STT3B: variants seen among roughly 807,000 people sequenced by gnomAD.
The protein encoded by STT3B is dolichyl-diphosphooligosaccharide--protein glycosyltransferase subunit STT3B.
STT3B carries 29 observed loss-of-function variants against 96.8 expected under a neutral mutation model. The observed-to-expected ratio is 0.30, with a 90% CI of 0.22 to 0.41. The LOEUF is 0.41. Among genes scored for constraint, STT3B ranks in the 10% least tolerant of loss-of-function variants. The probability of loss-of-function intolerance (pLI) is 1.00; values close to 1 mark genes in which losing one functional copy is unlikely to be tolerated. For synonymous variants in STT3B, 367 were observed against 360.0 expected (o/e 1.02, Z -0.22); for missense variants, 640 against 1,022.3 (o/e 0.63, Z 5.10).
intron 1 of STT3B, among the ~76,000 whole-genome samples, chr3:31,535,978 A>T (rs1430498009): frequency 2.0e-5 from 3 of 152,110 alleles, no homozygotes; most frequent in African/African-American, 4.8e-5. Flanking sequence ...CCTTACCGTG[A>T]ATGGAGATTT....
At chr3:31,552,795 A>G (rs77412583) in intron 1 of STT3B, among the ~76,000 whole-genome samples, 4,741 of 152,276 alleles carry the variant, frequency 0.031, 263 homozygotes, top group African/African-American at 0.11. Context: ...AGTGTGATAC[A>G]TAAGATAGGC....
intron 5 of STT3B, among the ~76,000 whole-genome samples, chr3:31,606,502 A>T (rs139771187): frequency 8.0e-5 from 4 of 49,928 alleles, no homozygotes; most frequent in Non-Finnish European, 3.0e-4. Flanking sequence ...CAGTTCAGAC[A>T]ATGGCTTCAG....
At chr3:31,594,752 G>A (rs1018862826) in intron 3 of STT3B, among the ~76,000 whole-genome samples, 3 of 152,064 alleles carry the variant, frequency 2.0e-5, no homozygotes, top group African/African-American at 7.2e-5. Flanking sequence ...GTGCTAGATC[G>A]GCTAACAGAA....
chr3:31,570,370 G>A lies in STT3B; in HGVS notation c.315-6026G>A, dbSNP rs566798895. 1.5e-4 allele frequency among the ~76,000 whole-genome samples: 23 copies of A among 152,260 alleles called. No homozygotes were observed. In the South Asian group the frequency reaches 4.6e-3, roughly 30 times the overall value. ...TGAACTTCAGTAGAGGTTTCAACAT[G>A]TTTTAAGAGCAGAAATTAAGGTAGA... On this transcript the variant is annotated intron_variant, in intron 1 of 15. Coordinates refer to ENST00000295770, the MANE Select transcript of STT3B (RefSeq NM_178862.3).
At chr3:31,580,170 G>A (rs2125453838) in intron 3 of STT3B, 74 bp downstream of exon 3, 2 of 1,456,920 alleles carry the variant, frequency 1.4e-6, no homozygotes, top group Non-Finnish European at 9.3e-7. Context: ...GCTGTACGCA[G>A]ATTTGTCTTT....
rs745483177 is a variant in STT3B, at chr3:31,579,793, A to AT, written c.424-9dup. On this transcript the variant is annotated splice_polypyrimidine_tract_variant and intron_variant, in intron 2 of 15. Coordinates refer to ENST00000295770, the MANE Select transcript of STT3B (RefSeq NM_178862.3). The stretch of plus-strand genomic sequence containing the variant: ...CATTTTATATGTAATTAAATTTTCC[A>AT]TTTTTTTCTTCCTAGGTTTACCCAG... 2.5e-6 allele frequency: 4 copies of AT among 1,581,946 alleles called. No homozygotes were observed. The highest frequency in any genetic ancestry group is 2.2e-5 in the East Asian group (1 of 44,472).
At chr3:31,610,635 G>A (rs1699161642) in intron 5 of STT3B, among the ~76,000 whole-genome samples, 1 of 152,022 alleles carries the variant, frequency 6.6e-6, no homozygotes, top group Admixed American at 6.6e-5. Context: ...CAAGGACTAT[G>A]GTATATTTCT....
chr3:31,586,168 T>C (rs1047766218), intron 3 of STT3B, among the ~76,000 whole-genome samples: 1 of 152,138 alleles, frequency 6.6e-6, no homozygotes, highest in Admixed American at 6.6e-5. Flanking sequence ...AGTAGTATCT[T>C]ATGGCTTTCG....
intron 1 of STT3B, among the ~76,000 whole-genome samples, chr3:31,559,904 T>A (rs1697830430): frequency 6.6e-6 from 1 of 152,156 alleles, no homozygotes; most frequent in Non-Finnish European, 1.5e-5. Flanking sequence ...AATTGTTATT[T>A]CTTCTAGTTG....
chr3:31,578,903 G>T (rs529274397), intron 2 of STT3B, among the ~76,000 whole-genome samples: 1 of 152,220 alleles, frequency 6.6e-6, no homozygotes, highest in East Asian at 1.9e-4. Context: ...ACGGGAGTGT[G>T]GGGGAGAGAG....
intron 1 of STT3B, among the ~76,000 whole-genome samples, chr3:31,572,563 T>A (rs183679914): frequency 1.3e-5 from 2 of 152,328 alleles, no homozygotes; most frequent in East Asian, 3.9e-4. Flanking sequence ...TACATTTATA[T>A]TTTTAAAAAT....
intron 1 of STT3B, among the ~76,000 whole-genome samples, chr3:31,563,813 C>T (rs558675691): frequency 2.0e-5 from 3 of 152,028 alleles, no homozygotes; most frequent in Non-Finnish European, 2.9e-5. Context: ...CTTATTCAGA[C>T]GTTTTTTTTG....
At chr3:31,625,123 TTCAC>T (rs1699508038) in intron 12 of STT3B, 38 bp downstream of exon 12, 1 of 1,578,904 alleles carries the variant, frequency 6.3e-7, no homozygotes, top group South Asian at 1.1e-5. Context: ...AAAATCTTTA[TTCAC>T]TCCTTAGCAA....
intron 5 of STT3B, among the ~76,000 whole-genome samples, chr3:31,611,772 C>T (rs1699185889): frequency 6.6e-6 from 1 of 152,126 alleles, no homozygotes; most frequent in African/African-American, 2.4e-5. Context: ...GCTAGGATTA[C>T]AGGTGTGAGC....
chr3:31,547,617 A>T (rs1347649013), intron 1 of STT3B, among the ~76,000 whole-genome samples: 1 of 152,230 alleles, frequency 6.6e-6, no homozygotes, highest in African/African-American at 2.4e-5. Context: ...CTGCACTCCA[A>T]CCTGCATGAC....
intron 1 of STT3B, among the ~76,000 whole-genome samples, chr3:31,567,156 T>G (rs904856025): frequency 1.3e-5 from 2 of 152,202 alleles, no homozygotes; most frequent in African/African-American, 2.4e-5. Flanking sequence ...TTAGTTAACC[T>G]GTTTCTCAAC....
At chr3:31,564,335 C>T (rs767484775) in intron 1 of STT3B, among the ~76,000 whole-genome samples, 1 of 152,104 alleles carries the variant, frequency 6.6e-6, no homozygotes, top group African/African-American at 2.4e-5. Context: ...ATACCAGGCA[C>T]CGTCCTTGGT....
chr3:31,629,486 C>T, intron 14 of STT3B, 75 bp downstream of exon 14: 1 of 736,346 alleles, frequency 1.4e-6, no homozygotes, highest in South Asian at 1.8e-5. Context: ...CTCTAGAAAA[C>T]AGGATAATGA....
chr3:31,621,694 G>C (rs985107521), intron 9 of STT3B, among the ~76,000 whole-genome samples: 38 of 151,992 alleles, frequency 2.5e-4, no homozygotes, highest in Non-Finnish European at 3.8e-4. Context: ...TTTAAAGCAG[G>C]TTTTATGCCA....
Sources: allele counts gnomAD v4.1 joint callset (sites outside exome capture counted in the v4.1 genomes callset), GRCh38; gene constraint gnomAD v4.1.1; transcripts MANE v1.5; gene names NCBI Gene and HGNC (gene_info 2026-07-23, HGNC 2026-07-21).